The following DNAH7 variants were observed in gnomAD, a reference collection of about 807,000 sequenced individuals.
DNAH7 encodes the protein dynein axonemal heavy chain 7, also known as axonemal beta dynein heavy chain 7.
In DNAH7, 397 loss-of-function variants were observed where a neutral mutation model predicts 444.6. That is an observed-to-expected ratio of 0.89 (90% CI 0.82 to 0.97). The LOEUF (loss-of-function observed/expected upper bound fraction) is 0.97, where lower values mean the gene tolerates loss of function less well. DNAH7 is among the 50% of genes least tolerant of loss of function. The pLI, the probability that DNAH7 is intolerant of heterozygous loss-of-function variation, is 0.00. For synonymous variants in DNAH7, 1,636 were observed against 1,624.4 expected (o/e 1.01, Z -0.17); for missense variants, 4,902 against 4,800.8 (o/e 1.02, Z -0.62).
At chr2:195,838,892 T>A (rs1698527836) in intron 47 of DNAH7, among the ~76,000 whole-genome samples, 1 of 151,946 alleles carries the variant, frequency 6.6e-6, no homozygotes, top group East Asian at 1.9e-4. Context: ...GACATAATAG[T>A]CTTTAATGTG....
At chr2:195,746,002 T>A (rs1693378416) in intron 63 of DNAH7, among the ~76,000 whole-genome samples, 1 of 152,152 alleles carries the variant, frequency 6.6e-6, no homozygotes, top group African/African-American at 2.4e-5. Flanking sequence ...CATAACAATA[T>A]TAACTTTAAA....
At chr2:195,855,132 G>A (rs1699617523) in intron 45 of DNAH7, among the ~76,000 whole-genome samples, 1 of 152,130 alleles carries the variant, frequency 6.6e-6, no homozygotes, top group African/African-American at 2.4e-5. Flanking sequence ...TCCCTCAAAA[G>A]GTTATTGTGA....
chr2:195,917,172 C>CA lies in DNAH7; in HGVS notation c.3935+4915dup, dbSNP rs569602406. 4.3e-3 allele frequency among the ~76,000 whole-genome samples: 585 copies of CA among 136,670 alleles called. 3 individuals are homozygous for CA. The highest frequency in any genetic ancestry group is 0.016 in the South Asian group (68 of 4,294). 89.7% of individuals were successfully genotyped at this position (136,670 alleles called of 152,430 possible). A position where few individuals can be genotyped will look rare whatever the true frequency, so the allele number is the denominator to read the frequency against. On this transcript the variant is annotated intron_variant, in intron 24 of 64. Transcript: ENST00000312428. ...TGGGTGACAAAGTGAGATTCCATCT[C>CA]AAAAAAAAAAAGAAATATCTGAAGC...
At chr2:195,933,937 G>A (rs2125403584) in intron 21 of DNAH7, among the ~76,000 whole-genome samples, 1 of 151,728 alleles carries the variant, frequency 6.6e-6, no homozygotes, top group South Asian at 2.1e-4. Context: ...TAATTAATTA[G>A]TTATACTCCC....
intron 1 of DNAH7, among the ~76,000 whole-genome samples, chr2:196,059,094 G>C (rs187611682): frequency 9.2e-5 from 14 of 152,270 alleles, no homozygotes; most frequent in African/African-American, 3.4e-4. Flanking sequence ...ATATCTTCTG[G>C]AAGTCTGTCT....
chr2:196,016,678 A>G (rs1229665196), intron 9 of DNAH7, among the ~76,000 whole-genome samples: 1 of 152,234 alleles, frequency 6.6e-6, no homozygotes, highest in Admixed American at 6.5e-5. Context: ...TTCATTCAGC[A>G]AAGTAAGCCG....
At chr2:196,053,797 T>C (rs1318026473) in intron 2 of DNAH7, among the ~76,000 whole-genome samples, 3 of 152,194 alleles carry the variant, frequency 2.0e-5, no homozygotes, top group Non-Finnish European at 2.9e-5. Flanking sequence ...AGTTACTTTG[T>C]AGCCATATGA....
chr2:195,775,838 T>C lies in DNAH7; in HGVS notation c.11202+8A>G, dbSNP rs1316372085. 8 of 1,613,598 alleles carry C rather than the reference T, an allele frequency of 5.0e-6. No homozygotes were observed. The highest frequency in any genetic ancestry group is 6.8e-6 in the Non-Finnish European group (8 of 1,179,684). ...CCTCAGAATCCAGGTCCTATACAGA[T>C]CACACACCTGTGTAAGAAGAATGTT... On this transcript the variant is annotated splice_region_variant and intron_variant, in intron 60 of 64. Transcript: ENST00000312428.
chr2:195,965,045 T>G (rs1380267762), intron 17 of DNAH7, among the ~76,000 whole-genome samples: 6 of 152,194 alleles, frequency 3.9e-5, no homozygotes. Context: ...GTGTTCCAGA[T>G]TTTAGATAAA....
chr2:195,802,250 C>A (rs1230692937), intron 54 of DNAH7, among the ~76,000 whole-genome samples: 1 of 152,192 alleles, frequency 6.6e-6, no homozygotes, highest in East Asian at 1.9e-4. Flanking sequence ...GTGGCTCACA[C>A]CTGTGATCCC....
intron 61 of DNAH7, among the ~76,000 whole-genome samples, chr2:195,770,210 T>C (rs1400911236): frequency 1.3e-5 from 2 of 152,184 alleles, no homozygotes; most frequent in African/African-American, 4.8e-5. Context: ...AATCATATCA[T>C]TGGTCTCTGT....
At chr2:195,796,470 C>T in intron 56 of DNAH7, 106 bp downstream of exon 56, 3 of 1,323,564 alleles carry the variant, frequency 2.3e-6, no homozygotes, top group Non-Finnish European at 2.1e-6. Flanking sequence ...AAAGCACTAA[C>T]CTGCAACGCT....
chr2:195,777,249 G>A (rs940448996), intron 59 of DNAH7, among the ~76,000 whole-genome samples: 2 of 152,224 alleles, frequency 1.3e-5, no homozygotes, highest in African/African-American at 4.8e-5. Context: ...GACTGGAGAA[G>A]AGCAGAAGGG....
chr2:195,976,306 C>T (rs892233737), intron 15 of DNAH7, among the ~76,000 whole-genome samples: 2 of 152,192 alleles, frequency 1.3e-5, no homozygotes, highest in Admixed American at 1.3e-4. Flanking sequence ...CCCCAAGGAC[C>T]TGTGGTGGTG....
chr2:195,740,133 G>A (rs1261793195), intron 64 of DNAH7, among the ~76,000 whole-genome samples: 1 of 152,054 alleles, frequency 6.6e-6, no homozygotes, highest in Admixed American at 6.6e-5. Flanking sequence ...ACAGGCACCT[G>A]CCAACACACC....
chr2:195,759,193 G>C (rs1694227229), intron 61 of DNAH7, among the ~76,000 whole-genome samples: 1 of 152,156 alleles, frequency 6.6e-6, no homozygotes, highest in Admixed American at 6.5e-5. Context: ...TTGCAACTTG[G>C]GGGCCAGTTC....
At chr2:196,014,044 T>C (rs1242541324) in intron 9 of DNAH7, among the ~76,000 whole-genome samples, 1 of 152,218 alleles carries the variant, frequency 6.6e-6, no homozygotes, top group African/African-American at 2.4e-5. Flanking sequence ...TTTGATGTTT[T>C]GAGATTGAAA....
chr2:195,990,922 C>CATATATATACTTAA (rs1216066608), intron 12 of DNAH7, among the ~76,000 whole-genome samples: 13 of 138,298 alleles, frequency 9.4e-5, no homozygotes, highest in African/African-American at 3.5e-4. Context: ...AATATATATA[C>CATATATATACTTAA]ATATATATAC....
Position 195,864,358 on chromosome 2 carries a change from T to G in DNAH7, c.7297A>C (p.Ile2433Leu), listed in dbSNP as rs762311688. The G allele has an allele frequency of 6.2e-7, 1 of 1,614,158 alleles. No individual in the cohort carries two copies. The highest frequency in any genetic ancestry group is 2.2e-5 in the East Asian group (1 of 44,886). ...TCTAACTGACGCATCTTATCACATA[T>G]CTCTTGCTTCTCATCTAATGCAAAG... ...NLFALDEKQE[I>L]CDKMRQLDRQ... is the part of the protein sequence containing the mutation. Residue 2433 changes from isoleucine to leucine, a missense_variant, in exon 41 of 65, where the codon ATA (isoleucine) becomes CTA (leucine). Transcript: ENST00000312428.
Sources: gnomAD v4.1 joint callset for allele counts (sites outside exome capture counted in the v4.1 genomes callset) on GRCh38, gnomAD v4.1.1 for gene constraint, MANE v1.5 for transcripts, NCBI Gene and HGNC (gene_info 2026-07-23, HGNC 2026-07-21) for gene names.